The following LRRK2 variants were observed in gnomAD, a reference collection of about 807,000 sequenced individuals.
LRRK2 encodes the protein leucine rich repeat kinase 2.
A neutral mutation model predicts 302.6 loss-of-function variants in LRRK2; 203 were observed. The ratio of observed to expected loss-of-function variants is 0.67; its 90% confidence interval spans 0.60 to 0.75. The LOEUF (loss-of-function observed/expected upper bound fraction) is 0.75. LRRK2 is among the 30% of genes least tolerant of loss of function. The pLI is 0.00. For synonymous variants in LRRK2, 1,066 were observed against 1,031.9 expected (o/e 1.03, Z -0.63); for missense variants, 2,830 against 2,951.0 (o/e 0.96, Z 0.95).
intron 7 of LRRK2, among the ~76,000 whole-genome samples, chr12:40,245,926 T>C (rs769489509): frequency 7.2e-5 from 11 of 152,030 alleles, no homozygotes; most frequent in Admixed American, 2.6e-4. Context: ...CCTTTCTGCT[T>C]CTTATATTCT....
intron 47 of LRRK2, among the ~76,000 whole-genome samples, chr12:40,359,848 T>C (rs1946653202): frequency 6.6e-6 from 1 of 152,182 alleles, no homozygotes; most frequent in African/African-American, 2.4e-5. Context: ...GTAGGAAAGA[T>C]AGACAGCAAG....
intron 19 of LRRK2, among the ~76,000 whole-genome samples, chr12:40,285,519 C>G (rs1317387650): frequency 2.6e-5 from 4 of 151,834 alleles, no homozygotes; most frequent in African/African-American, 9.7e-5. Flanking sequence ...GACAATTTGG[C>G]AATATCTACT....
At position 40,274,988 on chromosome 12, in the gene LRRK2, A is replaced by G. The variant is rs1163903454; in HGVS notation, c.1936A>G (p.Thr646Ala). The G allele has an allele frequency of 2.5e-6, 4 of 1,613,920 alleles. No homozygotes were observed. The highest frequency in any genetic ancestry group is 1.7e-4 in the Middle Eastern group (1 of 6,056). The change falls in exon 16 of 51, where the codon ACT (threonine) becomes GCT (alanine). Residue 646 changes from threonine (T) to alanine (A), a missense_variant. Thr to Ala is a moderately conservative substitution (Grantham distance 58). Coordinates refer to ENST00000298910, the MANE Select transcript of LRRK2 (RefSeq NM_198578.4). ...ATTTAAGGATGTTGCTGAAATACAG[A>G]CTAAAGTATGTGCATTATCTTGGAA... is the stretch of plus-strand genomic sequence containing the variant. ...YRFKDVAEIQ[T>A]KGFQTILAIL... is the part of the protein sequence containing the mutation.
At position 40,367,691 on chromosome 12, in the gene LRRK2, G is replaced by A. The variant is rs1946922213; in HGVS notation, c.7510G>A (p.Val2504Met). 6.2e-7 allele frequency: 1 copy of A among 1,603,638 alleles called. No individual in the cohort carries two copies. The highest frequency in any genetic ancestry group is 8.5e-7 in the Non-Finnish European group (1 of 1,174,012). ...TTGGGACATCAATCTTCCACATGAA[G>A]TGCAAAATTTAGAAAAACACATTGA... ...TVWDINLPHE[V>M]QNLEKHIEVR... is the part of the protein sequence containing the mutation. Residue 2504 changes from valine to methionine, a missense_variant, in exon 51 of 51, where the codon GTG becomes ATG. By Grantham distance (21) the Val-to-Met change is conservative. Transcript: ENST00000298910.
intron 7 of LRRK2, among the ~76,000 whole-genome samples, chr12:40,247,752 AT>A (rs1942073806): frequency 1.0e-5 from 1 of 98,906 alleles, no homozygotes; most frequent in Admixed American, 1.3e-4. Flanking sequence ...ACATTTATAT[AT>A]AAATATACAT....
intron 50 of LRRK2, 137 bp downstream of exon 50, chr12:40,367,214 A>G (rs1399859795): frequency 1.4e-6 from 1 of 727,414 alleles, no homozygotes; most frequent in African/African-American, 1.8e-5. Flanking sequence ...TATAGTGTAA[A>G]GAACTTAGAC....
At chr12:40,329,346 C>T (rs769714300) in intron 39 of LRRK2, among the ~76,000 whole-genome samples, 2 of 152,124 alleles carry the variant, frequency 1.3e-5, no homozygotes, top group African/African-American at 4.8e-5. Flanking sequence ...TGACTCCTTG[C>T]TATGTGAGAT....
At position 40,294,733 on chromosome 12, in the gene LRRK2, C is replaced by T. The variant is rs184725868; in HGVS notation, c.2809-112C>T. ...TTAGTTTTTACTTGCCTATTTTTTC[C>T]CATAATTATAAATACCATTAACCCT... On this transcript the variant is annotated intron_variant, in intron 21 of 50. Transcript: ENST00000298910. 1.9e-4 allele frequency: 110 copies of T among 591,290 alleles called. No individual in the cohort carries two copies. In the East Asian group the frequency reaches 3.4e-3, roughly 18 times the overall value. The allele number at this position is 591,290 out of a possible 1,614,324, so 36.6% of individuals were successfully genotyped here.
In LRRK2 at chr12:40,322,352, T is replaced by C. The variant is rs1336508001; in HGVS notation, c.5351T>C (p.Ile1784Thr). The C allele has an allele frequency of 6.2e-7, 1 of 1,613,706 alleles. No homozygotes were observed. The highest frequency in any genetic ancestry group is 2.2e-5 in the East Asian group (1 of 44,850). ...CTTTTGGGCCAAGTTGTGGACCACA[T>C]TGATTCTCTCATGGAAGAATGGTTT... ...CILLGQVVDH[I>T]DSLMEEWFPG... Residue 1784 changes from isoleucine to threonine, a missense_variant, in exon 37 of 51, where the codon ATT (isoleucine) becomes ACT (threonine). Transcript: ENST00000298910.
At chr12:40,261,622 C>T (rs374933229) in intron 13 of LRRK2, among the ~76,000 whole-genome samples, 7 of 152,068 alleles carry the variant, frequency 4.6e-5, no homozygotes, top group Non-Finnish European at 7.4e-5. Context: ...TGTACCATGC[C>T]GTGCAGTACC....
rs370488844 is a variant in LRRK2, at chr12:40,225,572, G to A, written c.169G>A (p.Gly57Ser). Residue 57 changes from glycine (G) to serine (S), a missense_variant, in exon 2 of 51, where the codon GGC (glycine) becomes AGC (serine). Coordinates refer to ENST00000298910, the MANE Select transcript of LRRK2 (RefSeq NM_198578.4). Reference sequence around the variant, plus strand: ...TTTTCCAGCCTCCAAGTTATTTCAAGGCAAAAATATCCATGTGCCTCTGTT... The same window carrying A: ...TTTTCCAGCCTCCAAGTTATTTCAAAGCAAAAATATCCATGTGCCTCTGTT... ...YSERASKLFQ[G>S]KNIHVPLLIV... is the part of the protein sequence containing the mutation. 2 of 1,613,976 alleles carry A rather than the reference G, an allele frequency of 1.2e-6. No homozygotes were observed. The highest frequency in any genetic ancestry group is 1.7e-6 in the Non-Finnish European group (2 of 1,180,006).
intron 48 of LRRK2, among the ~76,000 whole-genome samples, chr12:40,364,075 C>T (rs1178097767): frequency 6.6e-6 from 1 of 151,968 alleles, no homozygotes; most frequent in Non-Finnish European, 1.5e-5. Flanking sequence ...CACATTCTTT[C>T]TGTGCTGGTG....
At position 40,225,362 on chromosome 12, in the gene LRRK2, C is replaced by A. The variant is rs1039746443; in HGVS notation, c.151+80C>A. On this transcript the variant is annotated intron_variant, in intron 1 of 50. Coordinates refer to ENST00000298910, the MANE Select transcript of LRRK2 (RefSeq NM_198578.4). ...TTACATTTGCAAATTTTGTCCTCCT[C>A]CCCTTGACCCTGCTCAAACCCGGAC... 68 of 1,521,990 alleles carry A rather than the reference C, an allele frequency of 4.5e-5. No individual in the cohort carries two copies. The African/African-American group carries it at 9.0e-4, about 20-fold the overall frequency. The allele number at this position is 1,521,990 out of a possible 1,614,324, so 94.3% of individuals were successfully genotyped here. A position where few individuals can be genotyped will look rare whatever the true frequency, so the allele number is the denominator to read the frequency against.
intron 14 of LRRK2, 96 bp from the exon 15 acceptor site, chr12:40,274,487 G>T: frequency 1.6e-6 from 2 of 1,255,588 alleles, no homozygotes; most frequent in Non-Finnish European, 1.1e-6. Context: ...TTTATATTTG[G>T]ATTACTTGAT....
chr12:40,318,620 A>G (rs989131939), intron 33 of LRRK2, among the ~76,000 whole-genome samples: 2 of 152,090 alleles, frequency 1.3e-5, no homozygotes, highest in South Asian at 2.1e-4. Context: ...TCCAGGGCCT[A>G]TGAGTTTATA....
intron 33 of LRRK2, 152 bp from the exon 34 acceptor site, chr12:40,319,836 A>G (rs1367770828): frequency 1.3e-5 from 8 of 626,576 alleles, no homozygotes; most frequent in Non-Finnish European, 2.1e-5. Context: ...TCTAGGCCAC[A>G]TGGTTGCTAG....
rs780705192 is a variant in LRRK2 at position 40,304,145 on chromosome 12, T to A, written c.3777+11T>A. On this transcript the variant is annotated intron_variant, in intron 27 of 50. Coordinates refer to ENST00000298910, the MANE Select transcript of LRRK2 (RefSeq NM_198578.4). ...AATAAACTGAAAGAGGTAAGACGAT[T>A]ATTGCCACTTAAAAAATATACTTTA... 13 of 1,609,630 alleles carry A rather than the reference T, an allele frequency of 8.1e-6. No individual in the cohort carries two copies. In the African/African-American group the frequency reaches 1.7e-4, roughly 22 times the overall value.
chr12:40,363,639 C>A, intron 48 of LRRK2, 85 bp downstream of exon 48: 1 of 1,462,168 alleles, frequency 6.8e-7, no homozygotes, highest in Non-Finnish European at 9.4e-7. Flanking sequence ...TTCTTCCTTT[C>A]TGCCTCTGAA....
chr12:40,285,615 A>C (rs1231894423), intron 19 of LRRK2, among the ~76,000 whole-genome samples: 1 of 152,062 alleles, frequency 6.6e-6, no homozygotes, highest in Non-Finnish European at 1.5e-5. Flanking sequence ...ATGTGCACAA[A>C]AATTATGTAC....
Sources: allele counts gnomAD v4.1 joint callset (sites outside exome capture counted in the v4.1 genomes callset), GRCh38; gene constraint gnomAD v4.1.1; transcripts MANE v1.5; gene names NCBI Gene and HGNC (gene_info 2026-07-23, HGNC 2026-07-21).